The following NCKAP5 variants were observed in gnomAD, a reference collection of about 807,000 sequenced individuals.
The protein encoded by NCKAP5 is NCK associated protein 5.
A neutral mutation model predicts 167.0 loss-of-function variants in NCKAP5; 92 were observed. The ratio of observed to expected loss-of-function variants is 0.55; its 90% confidence interval spans 0.47 to 0.66. The LOEUF (loss-of-function observed/expected upper bound fraction) is 0.66. Ranked by LOEUF, NCKAP5 falls within the 30% of genes least tolerant of loss-of-function variation. The pLI is 0.00. For synonymous variants in NCKAP5, 891 were observed against 877.4 expected, an observed-to-expected ratio of 1.02 and a Z score of -0.27; for missense variants, 2,378 against 2,315.0, an observed-to-expected ratio of 1.03 and a Z score of -0.56.
At chr2:132,766,315 A>G (rs1681490184) in intron 16 of NCKAP5, among the ~76,000 whole-genome samples, 5 of 150,114 alleles carry the variant, frequency 3.3e-5, no homozygotes, top group Admixed American at 2.7e-4. Context: ...AGAGAAAATC[A>G]TAAGGAATGT....
Position 132,782,884 on chromosome 2 carries a change from G to C in NCKAP5, c.3927C>G (p.Gly1309=), listed in dbSNP as rs755920366. Residue 1309 remains glycine (G), a synonymous_variant, in exon 14 of 20, where the codon GGC becomes GGG. Coordinates refer to ENST00000409261, the MANE Select transcript of NCKAP5 (RefSeq NM_207363.3). ...AAGAGTTCTGCCGGGTAAGAGAATT[G>C]CCTCTCTCGGCGGTATTGGTAATGA... ...TQIITNTAER[G]NSLTRQNSST... 6 of 1,613,956 alleles carry C rather than the reference G, an allele frequency of 3.7e-6. No individual in the cohort carries two copies. Among genetic ancestry groups the C allele is most frequent in the Non-Finnish European group, 5.1e-6 (6 of 1,179,884 alleles).
intron 3 of NCKAP5, among the ~76,000 whole-genome samples, chr2:133,314,675 C>T (rs2150633068): frequency 6.6e-6 from 1 of 152,306 alleles, no homozygotes; most frequent in Middle Eastern, 3.4e-3. Context: ...CTGGGCAATA[C>T]AGCCATGTAC....
chr2:133,024,930 T>C (rs2078644588), intron 6 of NCKAP5, among the ~76,000 whole-genome samples: 2 of 152,222 alleles, frequency 1.3e-5, no homozygotes, highest in African/African-American at 4.8e-5. Context: ...GGAGTGATAA[T>C]GCATTTGACT....
At chr2:133,356,927 G>T (rs1684756276) in intron 3 of NCKAP5, among the ~76,000 whole-genome samples, 1 of 152,140 alleles carries the variant, frequency 6.6e-6, no homozygotes, top group Admixed American at 6.5e-5. Flanking sequence ...GCAATTCAAA[G>T]ACAATTGATA....
intron 3 of NCKAP5, among the ~76,000 whole-genome samples, chr2:133,418,551 G>A (rs931891098): frequency 6.6e-6 from 1 of 152,178 alleles, no homozygotes; most frequent in Non-Finnish European, 1.5e-5. Flanking sequence ...AGGATCAGGG[G>A]ACAAACGGAG....
rs907829111 is a variant in NCKAP5 at position 133,020,701 on chromosome 2, C to T, written c.342-26462G>A. ...ATAGAACTTGTTCAAAATAAATACACTGTGGTGAGCTGCGTGCAATAACGC... is the reference window on the plus strand; with the variant it reads ...ATAGAACTTGTTCAAAATAAATACATTGTGGTGAGCTGCGTGCAATAACGC... On this transcript the variant is annotated intron_variant, in intron 6 of 19. Transcript: ENST00000409261. Among the ~76,000 whole-genome samples the T allele has an allele frequency of 7.9e-5, 12 of 152,234 alleles. 3 individuals are homozygous for T. Among genetic ancestry groups the T allele is most frequent in the Admixed American group, 6.5e-4 (10 of 15,284 alleles).
rs145312426 is a variant in NCKAP5, at chr2:132,825,757, G to T, written c.808-29028C>A. Reference sequence around the variant, plus strand: ...GGAGGAGCTAGCCATATGGATTTATGCTGGCAAAACTGTTGTTTCCACAGC... The same window carrying T: ...GGAGGAGCTAGCCATATGGATTTATTCTGGCAAAACTGTTGTTTCCACAGC... On this transcript the variant is annotated intron_variant, in intron 11 of 19. Coordinates refer to ENST00000409261, the MANE Select transcript of NCKAP5 (RefSeq NM_207363.3). 5.3e-5 allele frequency among the ~76,000 whole-genome samples: 8 copies of T among 152,342 alleles called. No homozygotes were observed. The East Asian group carries it at 1.5e-3, about 29-fold the overall frequency.
chr2:132,925,508 TC>T (rs1339903035), intron 8 of NCKAP5, among the ~76,000 whole-genome samples: 1 of 133,680 alleles, frequency 7.5e-6, no homozygotes, highest in Non-Finnish European at 1.5e-5. Context: ...TTTGCAGTAA[TC>T]CAAGATTGTG....
chr2:133,573,458 G>A (rs1489801249), upstream of NCKAP5, among the ~76,000 whole-genome samples: 2 of 152,116 alleles, frequency 1.3e-5, no homozygotes, highest in Non-Finnish European at 1.5e-5. Flanking sequence ...GAGGTGAGGG[G>A]AGAGATGTAA....
At chr2:133,447,396 CTCCGTCTTTT>C (rs751870082) in intron 3 of NCKAP5, among the ~76,000 whole-genome samples, 4 of 151,974 alleles carry the variant, frequency 2.6e-5, no homozygotes, top group Non-Finnish European at 5.9e-5. Context: ...AGGCCTCTTT[CTCCGTCTTTT>C]TCCTTCCTTC....
At chr2:132,953,372 A>G (rs1045186020) in intron 8 of NCKAP5, among the ~76,000 whole-genome samples, 6 of 152,212 alleles carry the variant, frequency 3.9e-5, no homozygotes, top group African/African-American at 1.2e-4. Flanking sequence ...TGCTTCCTCC[A>G]AAACTAATTC....
intron 8 of NCKAP5, among the ~76,000 whole-genome samples, chr2:132,887,591 C>A (rs767806762): frequency 6.6e-6 from 1 of 152,152 alleles, no homozygotes; most frequent in Non-Finnish European, 1.5e-5. Context: ...CTAAAGCTCC[C>A]GTGTTCCTTC....
intron 3 of NCKAP5, among the ~76,000 whole-genome samples, chr2:133,454,435 G>T (rs1691726463): frequency 6.6e-6 from 1 of 151,988 alleles, no homozygotes; most frequent in Non-Finnish European, 1.5e-5. Context: ...CCTTTGAGAT[G>T]GGCATCTCAT....
At chr2:132,721,323 A>G (rs182444751) in intron 19 of NCKAP5, among the ~76,000 whole-genome samples, 209 of 142,202 alleles carry the variant, frequency 1.5e-3, no homozygotes, top group African/African-American at 5.5e-3. Context: ...ACAAAAGAAA[A>G]GAAAAAAAGA....
chr2:133,512,678 A>G (rs1350607964), intron 3 of NCKAP5, among the ~76,000 whole-genome samples: 1 of 152,236 alleles, frequency 6.6e-6, no homozygotes, highest in Admixed American at 6.5e-5. Flanking sequence ...GATAAACAGC[A>G]GAGATTTAAA....
intron 8 of NCKAP5, among the ~76,000 whole-genome samples, chr2:132,905,045 G>A (rs1232609259): frequency 2.6e-5 from 4 of 151,900 alleles, no homozygotes; most frequent in East Asian, 1.9e-4. Context: ...TTTCCCACCC[G>A]AGCAAACTTA....
intron 5 of NCKAP5, among the ~76,000 whole-genome samples, chr2:133,162,794 T>A (rs2083850815): frequency 6.6e-6 from 1 of 152,230 alleles, no homozygotes. Context: ...AAGCCACTTG[T>A]GGCTACTCTT....
In NCKAP5 at chr2:133,547,120, C is replaced by T. The variant is rs540691095; in HGVS notation, c.-62+11930G>A. Among the ~76,000 whole-genome samples the T allele has an allele frequency of 7.9e-5, 12 of 152,306 alleles. No homozygotes were observed. The East Asian group carries it at 1.7e-3, about 22-fold the overall frequency. On this transcript the variant is annotated intron_variant, in intron 2 of 19. Coordinates refer to ENST00000409261, the MANE Select transcript of NCKAP5 (RefSeq NM_207363.3). ...CCAAGGCAAAGAAAGGGGTGACGGA[C>T]GCACCTGGAAAATTGGGTCACTCCC...
chr2:132,904,636 C>T lies in NCKAP5; in HGVS notation c.580-25720G>A, dbSNP rs773122473. ...CAAATTTCACTTCCCCAGGAGCATACGTGAGAATCACCGCCCACTGATTAG... is the reference window on the plus strand; with the variant it reads ...CAAATTTCACTTCCCCAGGAGCATATGTGAGAATCACCGCCCACTGATTAG... On this transcript the variant is annotated intron_variant, in intron 8 of 19. Transcript: ENST00000409261. Among the ~76,000 whole-genome samples the T allele has an allele frequency of 9.2e-5, 14 of 152,258 alleles. No homozygotes were observed. The South Asian group carries it at 1.0e-3, about 11-fold the overall frequency.
Sources: allele counts gnomAD v4.1 joint callset (sites outside exome capture counted in the v4.1 genomes callset), GRCh38; gene constraint gnomAD v4.1.1; transcripts MANE v1.5; gene names NCBI Gene and HGNC (gene_info 2026-07-23, HGNC 2026-07-21).